The following CEMIP2 variants were observed in gnomAD, a reference collection of about 807,000 sequenced individuals.
The protein encoded by CEMIP2 is cell surface hyaluronidase CEMIP2.
A neutral mutation model predicts 146.9 loss-of-function variants in CEMIP2; 79 were observed. The observed-to-expected ratio is 0.54, with a 90% CI of 0.45 to 0.65. The LOEUF (loss-of-function observed/expected upper bound fraction) is 0.65, where lower values mean the gene tolerates loss of function less well. CEMIP2 is among the 30% of genes least tolerant of loss of function. The pLI is 0.00. For missense variants in CEMIP2, 1,596 were observed against 1,696.2 expected, an observed-to-expected ratio of 0.94 and a Z score of 1.04; for synonymous variants, 601 against 606.3, an observed-to-expected ratio of 0.99 and a Z score of 0.13.
chr9:71,723,548 C>T (rs1170495738), intron 11 of CEMIP2, among the ~76,000 whole-genome samples: 1 of 152,078 alleles, frequency 6.6e-6, no homozygotes, highest in African/African-American at 2.4e-5. Context: ...AATAAAAGCT[C>T]ATATATTTTT....
intron 2 of CEMIP2, among the ~76,000 whole-genome samples, chr9:71,746,584 G>T: frequency 1.1e-5 from 1 of 91,252 alleles, no homozygotes; most frequent in African/African-American, 4.2e-5. Context: ...TCTAGTTCAG[G>T]ACAAACTTCA....
At chr9:71,695,449 T>C (rs1822367338) in intron 20 of CEMIP2, among the ~76,000 whole-genome samples, 1 of 151,050 alleles carries the variant, frequency 6.6e-6, no homozygotes, top group Non-Finnish European at 1.5e-5. Flanking sequence ...CTGAGATGGG[T>C]GGATCACCTT....
At chr9:71,712,709 TGGTACAAA>T (rs1195912941) in intron 15 of CEMIP2, among the ~76,000 whole-genome samples, 1 of 152,166 alleles carries the variant, frequency 6.6e-6, no homozygotes, top group Non-Finnish European at 1.5e-5. Context: ...CACTAAATGA[TGGTACAAA>T]GGTGAAATGA....
At chr9:71,750,444 T>C in intron 1 of CEMIP2, 59 bp from the exon 2 acceptor site, 1 of 1,178,968 alleles carries the variant, frequency 8.5e-7, no homozygotes, top group East Asian at 2.6e-5. Flanking sequence ...TAATTTCTTT[T>C]ATTTATTTAT....
rs538695812 is a variant in CEMIP2, at chr9:71,734,438, T to G, written c.1393+368A>C. On this transcript the variant is annotated intron_variant, in intron 6 of 23. Transcript: ENST00000377044. The stretch of plus-strand genomic sequence containing the variant: ...AATACTTAGGTGAAGGGTTGGTAGG[T>G]GCAGCAAACCACCATGGCACACGTT... 2.0e-5 allele frequency among the ~76,000 whole-genome samples: 3 copies of G among 152,242 alleles called. No homozygotes were observed. In the East Asian group the frequency reaches 5.8e-4, roughly 29 times the overall value.
intron 19 of CEMIP2, among the ~76,000 whole-genome samples, chr9:71,699,688 C>T (rs777169441): frequency 9.9e-5 from 15 of 152,198 alleles, no homozygotes; most frequent in Middle Eastern, 3.4e-3. Flanking sequence ...TCCCCAAACA[C>T]GCAATGCCAT....
At position 71,685,161 on chromosome 9, in the gene CEMIP2, T is replaced by G; in HGVS notation, c.*36A>C. On this transcript the variant is annotated 3_prime_UTR_variant, in exon 24 of 24. Coordinates refer to ENST00000377044, the MANE Select transcript of CEMIP2 (RefSeq NM_013390.3). ...CATAAATTAAATAAGTTAGTTCACA[T>G]TTTTTTTCCCCCAGCACTTAAGTTA... is the stretch of plus-strand genomic sequence containing the variant. The G allele has an allele frequency of 1.3e-6, 2 of 1,493,200 alleles. No individual in the cohort carries two copies. Among genetic ancestry groups the G allele is most frequent in the East Asian group, 4.7e-5 (2 of 42,262 alleles). 92.5% of individuals were successfully genotyped at this position (1,493,200 alleles called of 1,614,324 possible).
chr9:71,728,241 A>ATATACG lies in CEMIP2; in HGVS notation c.2049+1603_2049+1604insCGTATA, dbSNP rs1554684648. Among the ~76,000 whole-genome samples the ATATACG allele has an allele frequency of 6.4e-4, 31 of 48,066 alleles. 2 individuals are homozygous for ATATACG. Among genetic ancestry groups the ATATACG allele is most frequent in the Non-Finnish European group, 1.0e-3 (23 of 21,974 alleles). 31.5% of individuals were successfully genotyped at this position (48,066 alleles called of 152,430 possible). On this transcript the variant is annotated intron_variant, in intron 10 of 23. Transcript: ENST00000377044. ...TCTCTCTCTCTCTCTCTATATATAT[A>ATATACG]TATATATATGTATATACACGTATAT...
chr9:71,745,981 T>C (rs1174395082), intron 3 of CEMIP2, among the ~76,000 whole-genome samples: 1 of 152,218 alleles, frequency 6.6e-6, no homozygotes, highest in Non-Finnish European at 1.5e-5. Flanking sequence ...GGTCTTGATT[T>C]GAGTGATACC....
chr9:71,714,831 T>C (rs995638753), intron 15 of CEMIP2, 103 bp downstream of exon 15: 2 of 1,213,686 alleles, frequency 1.6e-6, no homozygotes, highest in African/African-American at 3.1e-5. Flanking sequence ...AAGAGTCTCA[T>C]GGTAGGAACC....
In CEMIP2 at chr9:71,704,733, G is replaced by A. The variant is rs767926473; in HGVS notation, c.3056C>T (p.Pro1019Leu). ...TITRDEYPSNPMVLRGINQKA... is the reference protein window; with the variant it reads ...TITRDEYPSNLMVLRGINQKA... ...CTGATTAATACCTCGGAGCACCATA[G>A]GGTTGGACGGATACTCATCTCGTGT... Residue 1019 changes from proline (P) to leucine (L), a missense_variant, in exon 18 of 24, where the codon CCT becomes CTT. Coordinates refer to ENST00000377044, the MANE Select transcript of CEMIP2 (RefSeq NM_013390.3). 4 of 1,614,066 alleles carry A rather than the reference G, an allele frequency of 2.5e-6. No homozygotes were observed. Among genetic ancestry groups the A allele is most frequent in the South Asian group, 2.2e-5 (2 of 91,084 alleles).
chr9:71,715,620 C>A, intron 14 of CEMIP2, among the ~76,000 whole-genome samples: 1 of 64,432 alleles, frequency 1.6e-5, no homozygotes, highest in African/African-American at 4.0e-5. Flanking sequence ...ATATATCCCT[C>A]TTAAGATATA....
upstream of CEMIP2, among the ~76,000 whole-genome samples, chr9:71,769,091 G>T (rs1254804772): frequency 6.6e-6 from 1 of 152,074 alleles, no homozygotes; most frequent in Non-Finnish European, 1.5e-5. Flanking sequence ...GCGGGGCAGA[G>T]CCCCAGCCAG....
rs143291760 is a variant in CEMIP2 at position 71,762,672 on chromosome 9, C to T, written c.-13+5685G>A. Among the ~76,000 whole-genome samples the T allele has an allele frequency of 4.8e-3, 728 of 152,276 alleles. 4 individuals are homozygous for T. The highest frequency in any genetic ancestry group is 0.01 in the Middle Eastern group (3 of 294). ...CCCTGCTCAAGCATATTTTTCAAAT[C>T]CTCATATAAAGTTGATTTTATAGTG... is the stretch of plus-strand genomic sequence containing the variant. On this transcript the variant is annotated intron_variant, in intron 1 of 23. Coordinates refer to ENST00000377044, the MANE Select transcript of CEMIP2 (RefSeq NM_013390.3).
intron 1 of CEMIP2, among the ~76,000 whole-genome samples, chr9:71,755,415 C>G (rs1338074824): frequency 6.7e-6 from 1 of 150,152 alleles, no homozygotes; most frequent in East Asian, 1.9e-4. Context: ...GGTTCCATGC[C>G]TGTAGCCCTA....
chr9:71,734,670 G>T, intron 6 of CEMIP2, 136 bp downstream of exon 6: 2 of 703,840 alleles, frequency 2.8e-6, no homozygotes, highest in Non-Finnish European at 4.4e-6. Flanking sequence ...GCACTCCACT[G>T]CTATGACTTT....
intron 1 of CEMIP2, among the ~76,000 whole-genome samples, chr9:71,760,435 A>T (rs1824597268): frequency 7.0e-6 from 1 of 143,788 alleles, no homozygotes; most frequent in South Asian, 2.1e-4. Context: ...GACTTTAAAG[A>T]AATATTTAAA....
At chr9:71,703,917 T>TA (rs1404507888) in intron 18 of CEMIP2, among the ~76,000 whole-genome samples, 13 of 152,338 alleles carry the variant, frequency 8.5e-5, no homozygotes, top group South Asian at 8.3e-4. Flanking sequence ...ATTTGTCCAC[T>TA]AAAAAATAGC....
intron 6 of CEMIP2, 89 bp from the exon 7 acceptor site, chr9:71,732,609 C>A (rs1274151847): frequency 4.0e-6 from 5 of 1,238,292 alleles, no homozygotes; most frequent in Non-Finnish European, 5.3e-6. Context: ...CATTCCATAA[C>A]CCCAAGATGA....
Sources: allele counts gnomAD v4.1 joint callset (sites outside exome capture counted in the v4.1 genomes callset), GRCh38; gene constraint gnomAD v4.1.1; transcripts MANE v1.5; gene names NCBI Gene and HGNC (gene_info 2026-07-23, HGNC 2026-07-21).